Variants in POLH observed in about 807,000 individuals in gnomAD.
POLH encodes DNA polymerase eta, also known as DNA polymerase eta transcript.
Under a neutral mutation model 73.6 loss-of-function variants are expected in POLH, and 53 were observed. The ratio of observed to expected loss-of-function variants is 0.72; its 90% CI spans 0.58 to 0.91. The LOEUF (loss-of-function observed/expected upper bound fraction) is 0.91. Ranked by LOEUF, POLH falls within the 40% of genes least tolerant of loss-of-function variation. The pLI is 0.00. For missense variants in POLH, 768 were observed against 865.4 expected (o/e 0.89, Z 1.41); for synonymous variants, 292 against 308.5 (o/e 0.95, Z 0.56).
rs1768570897 is a variant in POLH, at chr6:43,619,466, C to T, written c.*4909C>T. On this transcript the variant is annotated 3_prime_UTR_variant, in exon 11 of 11. Transcript: ENST00000372236. Reference sequence around the variant, plus strand: ...TAGCTTCTTAAAGGCAAAGATTCTTCATAGTGCTTTGCACATGATAGGTGC... The same window carrying T: ...TAGCTTCTTAAAGGCAAAGATTCTTTATAGTGCTTTGCACATGATAGGTGC... 6.8e-6 allele frequency among the ~76,000 whole-genome samples: 1 copy of T among 147,752 alleles called. No individual in the cohort carries two copies. Among genetic ancestry groups the T allele is most frequent in the South Asian group, 2.2e-4 (1 of 4,576 alleles).
chr6:43,585,744 C>G (rs898450923), intron 3 of POLH, among the ~76,000 whole-genome samples: 1 of 148,976 alleles, frequency 6.7e-6, no homozygotes, highest in Non-Finnish European at 1.5e-5. Context: ...CTCTTGGATT[C>G]AAGTGATTCT....
At chr6:43,609,238 C>T (rs989508699) in intron 9 of POLH, among the ~76,000 whole-genome samples, 1 of 152,164 alleles carries the variant, frequency 6.6e-6, no homozygotes, top group African/African-American at 2.4e-5. Context: ...GTTCCTACTA[C>T]AACATAGGAT....
chr6:43,581,148 C>G (rs1418900429), intron 1 of POLH, among the ~76,000 whole-genome samples: 1 of 146,330 alleles, frequency 6.8e-6, no homozygotes, highest in Non-Finnish European at 1.5e-5. Flanking sequence ...GGGGTGGTTG[C>G]CAGGCAGAGG....
At chr6:43,589,276 AT>A (rs958392087) in intron 4 of POLH, among the ~76,000 whole-genome samples, 3 of 152,146 alleles carry the variant, frequency 2.0e-5, no homozygotes, top group African/African-American at 7.2e-5. Flanking sequence ...GTTACAGACC[AT>A]TTTCCCTAGT....
In POLH at chr6:43,583,104, C is replaced by A. The variant is rs1334379506; in HGVS notation, c.235C>A (p.Gln79Lys). Residue 79 changes from glutamine (Q) to lysine (K), a missense_variant, in exon 3 of 11, where the codon CAA becomes AAA. Gln to Lys is a moderately conservative substitution (Grantham distance 53). Coordinates refer to ENST00000372236, the MANE Select transcript of POLH (RefSeq NM_006502.3). ...GTTATGTCCAGATCTTCTACTGGCACAAGTTCGTGAGTCCCGTGGGAAAGC... is the reference window on the plus strand; with the variant it reads ...GTTATGTCCAGATCTTCTACTGGCAAAAGTTCGTGAGTCCCGTGGGAAAGC... ...KKLCPDLLLA[Q>K]VRESRGKANL... 6.2e-7 allele frequency: 1 copy of A among 1,613,878 alleles called. No individual in the cohort carries two copies. The highest frequency in any genetic ancestry group is 1.7e-5 in the Admixed American group (1 of 60,002).
In POLH at chr6:43,597,719, T is replaced by C. The variant is rs774355110; in HGVS notation, c.514T>C (p.Phe172Leu). Residue 172 changes from phenylalanine to leucine, a missense_variant, in exon 5 of 11, where the codon TTT becomes CTT. By Grantham distance (22) the Phe-to-Leu change is conservative. Coordinates refer to ENST00000372236, the MANE Select transcript of POLH (RefSeq NM_006502.3). Reference protein sequence around the residue: ...QKEGMRKQGLFQWLDSLQIDN... With the variant: ...QKEGMRKQGLLQWLDSLQIDN... ...AGAGGGGATGCGAAAACAAGGCTTA[T>C]TTCAATGGCTCGATTCTCTTCAGAT... 1 of 1,614,114 alleles carries C rather than the reference T, an allele frequency of 6.2e-7. No homozygotes were observed. Among genetic ancestry groups the C allele is most frequent in the South Asian group, 1.1e-5 (1 of 91,086 alleles).
At chr6:43,605,579 G>T (rs571720058) in intron 9 of POLH, among the ~76,000 whole-genome samples, 2 of 150,690 alleles carry the variant, frequency 1.3e-5, no homozygotes, top group South Asian at 4.2e-4. Context: ...CTCCTGAGTA[G>T]CTGGGACTAC....
chr6:43,613,027 T>G (rs1198661218), intron 10 of POLH, among the ~76,000 whole-genome samples: 1 of 151,758 alleles, frequency 6.6e-6, no homozygotes, highest in Non-Finnish European at 1.5e-5. Context: ...CTCATACTCC[T>G]GACCTCATGA....
At chr6:43,600,180 G>A (rs1209814778) in intron 5 of POLH, among the ~76,000 whole-genome samples, 1 of 151,490 alleles carries the variant, frequency 6.6e-6, no homozygotes, top group African/African-American at 2.4e-5. Flanking sequence ...AAGAAAAAGA[G>A]TTCTCTTGGG....
At chr6:43,602,312 A>G (rs1335172572) in intron 6 of POLH, among the ~76,000 whole-genome samples, 1 of 152,238 alleles carries the variant, frequency 6.6e-6, no homozygotes, top group African/African-American at 2.4e-5. Flanking sequence ...ATAATATTGT[A>G]GAAAGGACAA....
At chr6:43,583,373 C>T (rs571490988) in intron 3 of POLH, among the ~76,000 whole-genome samples, 2 of 152,258 alleles carry the variant, frequency 1.3e-5, no homozygotes, top group East Asian at 3.9e-4. Context: ...TATTCAGTTC[C>T]TTAATTGTTC....
chr6:43,609,969 A>G (rs998736613), intron 9 of POLH, among the ~76,000 whole-genome samples: 2 of 151,478 alleles, frequency 1.3e-5, no homozygotes, highest in South Asian at 4.2e-4. Flanking sequence ...TACTTTTTAC[A>G]CCCAGAAATA....
rs1243247922 is a variant in POLH, at chr6:43,582,412, T to C, written c.93T>C (p.Asn31=). 1 of 1,613,968 alleles carries C rather than the reference T, an allele frequency of 6.2e-7. No homozygotes were observed. The highest frequency in any genetic ancestry group is 1.3e-5 in the African/African-American group (1 of 74,928). Reference sequence around the variant, plus strand: ...AGCGGCAAAATCCTCATTTGAGGAATAAACCTTGTGCAGTTGTACAGTACA... The same window carrying C: ...AGCGGCAAAATCCTCATTTGAGGAACAAACCTTGTGCAGTTGTACAGTACA... The part of the protein sequence containing the change: ...VEQRQNPHLR[N]KPCAVVQYKS... The change falls in exon 2 of 11, where the codon AAT becomes AAC. Residue 31 remains asparagine, a synonymous_variant. Coordinates refer to ENST00000372236, the MANE Select transcript of POLH (RefSeq NM_006502.3).
chr6:43,592,667 G>C (rs147649514), intron 4 of POLH, among the ~76,000 whole-genome samples: 196 of 152,126 alleles, frequency 1.3e-3, no homozygotes, highest in Non-Finnish European at 2.0e-3. Context: ...TGCCCGCCTT[G>C]GTCTCCCAAA....
intron 4 of POLH, among the ~76,000 whole-genome samples, chr6:43,593,095 C>A (rs6916539): frequency 0.11 from 17,281 of 152,232 alleles, 2,164 homozygotes; most frequent in African/African-American, 0.31. Context: ...TGAACTCATG[C>A]TCAAGTGATC....
At position 43,614,351 on chromosome 6, in the gene POLH, G is replaced by T. The variant is rs772437063; in HGVS notation, c.1936G>T (p.Asp646Tyr). The T allele has an allele frequency of 1.9e-6, 3 of 1,612,598 alleles. No homozygotes were observed. The highest frequency in any genetic ancestry group is 4.5e-5 in the East Asian group (2 of 44,832). Reference sequence around the variant, plus strand: ...GTGTGGCTCCCTGGTACCGGTATGGGATATGCCAGAACACATGGACTATCA... The same window carrying T: ...GTGTGGCTCCCTGGTACCGGTATGGTATATGCCAGAACACATGGACTATCA... ...EKCGSLVPVW[D>Y]MPEHMDYHFA... The change falls in exon 11 of 11, where the codon GAT (aspartate) becomes TAT (tyrosine). Residue 646 changes from aspartate (D) to tyrosine (Y), a missense_variant. Physicochemically the swap from Asp to Tyr is radical, Grantham distance 160. Transcript: ENST00000372236.
intron 4 of POLH, among the ~76,000 whole-genome samples, chr6:43,596,523 T>TG (rs1766076022): frequency 6.6e-6 from 1 of 151,176 alleles, no homozygotes; most frequent in Non-Finnish European, 1.5e-5. Flanking sequence ...TAAAATAGGG[T>TG]GGTGGGTTGC....
At chr6:43,601,134 T>C in intron 6 of POLH, 43 bp downstream of exon 6, 1 of 1,322,806 alleles carries the variant, frequency 7.6e-7, no homozygotes, top group Middle Eastern at 1.8e-4. Context: ...TCTATCCATG[T>C]GTAGAAACTC....
At chr6:43,595,516 G>C (rs988102594) in intron 4 of POLH, among the ~76,000 whole-genome samples, 1 of 152,102 alleles carries the variant, frequency 6.6e-6, no homozygotes, top group Non-Finnish European at 1.5e-5. Context: ...GGGAGGCCAA[G>C]GCAGGCGGAT....
Sources: allele counts gnomAD v4.1 joint callset (sites outside exome capture counted in the v4.1 genomes callset), GRCh38; gene constraint gnomAD v4.1.1; transcripts MANE v1.5; gene names NCBI Gene and HGNC (gene_info 2026-07-23, HGNC 2026-07-21).